The following ATP23 variants were observed in gnomAD, a reference collection of about 807,000 sequenced individuals.
ATP23 encodes mitochondrial inner membrane protease ATP23 homolog.
In ATP23, 24 loss-of-function variants were observed where a neutral mutation model predicts 28.5. The observed-to-expected ratio is 0.84, with a 90% CI of 0.61 to 1.18. The LOEUF (loss-of-function observed/expected upper bound fraction) is 1.18, where lower values mean the gene tolerates loss of function less well. Among genes scored for constraint, ATP23 ranks in the 50% most tolerant of loss-of-function variants. ATP23 has a pLI of 0.00. For synonymous variants in ATP23, 99 were observed against 108.6 expected (o/e 0.91, Z 0.55); for missense variants, 274 against 306.4 (o/e 0.89, Z 0.79).
At chr12:57,948,786 G>T (rs139768700) in intron 3 of ATP23, among the ~76,000 whole-genome samples, 2 of 151,964 alleles carry the variant, frequency 1.3e-5, no homozygotes, top group Admixed American at 1.3e-4. Flanking sequence ...CCTGACTTTT[G>T]TGGTAACCAT....
In ATP23 at chr12:57,941,962, C is replaced by T. The variant is rs1039686098; in HGVS notation, c.187+74C>T. 18 of 1,549,462 alleles carry T rather than the reference C, an allele frequency of 1.2e-5. No individual in the cohort carries two copies. The African/African-American group carries it at 2.5e-4, about 21-fold the overall frequency. ...CCGGGTGGGCGAGGAAGGGCCTGGG[C>T]AACACCTGGCCAGGGGCTTCAGGTT... On this transcript the variant is annotated intron_variant, in intron 1 of 5. Transcript: ENST00000300145.
chr12:57,955,345 A>C (rs1176723016), intron 5 of ATP23, among the ~76,000 whole-genome samples: 4 of 150,824 alleles, frequency 2.7e-5, no homozygotes, highest in Non-Finnish European at 5.9e-5. Flanking sequence ...AATCTTTGAA[A>C]GAGGAAGTTT....
rs1383720318 is a variant in ATP23 at position 57,947,092 on chromosome 12, A to G, written c.315+16A>G. ...AACATCTCAGGTAGGCATTATTGCC[A>G]AATTGTTTCCTTCCCTTTAATCCTC... On this transcript the variant is annotated intron_variant, in intron 3 of 5. Transcript: ENST00000300145. The G allele has an allele frequency of 6.2e-7, 1 of 1,611,206 alleles. No individual in the cohort carries two copies. The highest frequency in any genetic ancestry group is 2.2e-5 in the East Asian group (1 of 44,842).
rs781521963 is a variant in ATP23, at chr12:57,956,747, G to A, written c.598G>A (p.Val200Ile). ...GGCTGTTAGGAATATCAGCAAAGAAGTAGCTAAAAAGGCTGTTGATGAAGT... is the reference window on the plus strand; with the variant it reads ...GGCTGTTAGGAATATCAGCAAAGAAATAGCTAAAAAGGCTGTTGATGAAGT... ...ILAVRNISKE[V>I]AKKAVDEVFE... Residue 200 changes from valine (V) to isoleucine (I), a missense_variant, in exon 6 of 6, where the codon GTA (valine) becomes ATA (isoleucine). Physicochemically the swap from Val to Ile is conservative, Grantham distance 29. Transcript: ENST00000300145. 4 of 1,613,904 alleles carry A rather than the reference G, an allele frequency of 2.5e-6. No individual in the cohort carries two copies. Among genetic ancestry groups the A allele is most frequent in the Admixed American group, 3.3e-5 (2 of 60,002 alleles).
chr12:57,953,749 A>C lies in ATP23; in HGVS notation c.537+60A>C. ...GTGTTACGAGTGGAAATAATGAATA[A>C]AGAAATGAAAAGTACATTCAGTATT... On this transcript the variant is annotated intron_variant, in intron 5 of 5. Transcript: ENST00000300145. 2.9e-6 allele frequency: 4 copies of C among 1,379,212 alleles called. No homozygotes were observed. In the East Asian group the frequency reaches 9.2e-5, roughly 32 times the overall value. 85.4% of individuals were successfully genotyped at this position (1,379,212 alleles called of 1,614,324 possible).
intron 4 of ATP23, among the ~76,000 whole-genome samples, chr12:57,953,220 G>C (rs186787162): frequency 6.6e-6 from 1 of 152,308 alleles, no homozygotes; most frequent in East Asian, 1.9e-4. Context: ...CTTTCTTGAA[G>C]TACTTTTGGC....
chr12:57,957,801 A>G lies in ATP23; in HGVS notation c.*911A>G, dbSNP rs562200429. 6.6e-6 allele frequency among the ~76,000 whole-genome samples: 1 copy of G among 152,242 alleles called. No homozygotes were observed. The highest frequency in any genetic ancestry group is 1.5e-5 in the Non-Finnish European group (1 of 68,044). ...ACAGAGATCCATTGCAAGGGCAGCC[A>G]GAAGAGCAGCGGGTAAAACTCCACA... On this transcript the variant is annotated 3_prime_UTR_variant, in exon 6 of 6. Coordinates refer to ENST00000300145, the MANE Select transcript of ATP23 (RefSeq NM_033276.4).
intron 2 of ATP23, among the ~76,000 whole-genome samples, chr12:57,945,896 G>A (rs1037063906): frequency 6.8e-6 from 1 of 146,690 alleles, no homozygotes; most frequent in Non-Finnish European, 1.5e-5. Flanking sequence ...ATAGAGTCTC[G>A]CTCTTGTTGT....
intron 1 of ATP23, among the ~76,000 whole-genome samples, chr12:57,942,116 GC>G (rs1212787562): frequency 2.0e-5 from 3 of 152,134 alleles, no homozygotes; most frequent in Non-Finnish European, 4.4e-5. Context: ...GAATTTGTCT[GC>G]CCTTTTTTGT....
intron 1 of ATP23, 79 bp from the exon 2 acceptor site, chr12:57,945,549 T>C: frequency 7.9e-7 from 1 of 1,272,304 alleles, no homozygotes; most frequent in Non-Finnish European, 1.1e-6. Flanking sequence ...TACTTTTTGA[T>C]AATATCTTAC....
chr12:57,942,057 T>G (rs1956710346), intron 1 of ATP23, among the ~76,000 whole-genome samples, 169 bp downstream of exon 1: 1 of 152,196 alleles, frequency 6.6e-6, no homozygotes, highest in South Asian at 2.1e-4. Context: ...GTTTCCCCAC[T>G]AGAGGTGGCG....
intron 3 of ATP23, among the ~76,000 whole-genome samples, chr12:57,950,226 C>T (rs1956801166): frequency 6.6e-6 from 1 of 152,172 alleles, no homozygotes; most frequent in African/African-American, 2.4e-5. Context: ...CTTCCCATTG[C>T]TCTTAGGGTA....
rs1189202519 is a variant in ATP23 at position 57,957,903 on chromosome 12, G to C, written c.*1013G>C. 6.6e-6 allele frequency among the ~76,000 whole-genome samples: 1 copy of C among 152,198 alleles called. No individual in the cohort carries two copies. The highest frequency in any genetic ancestry group is 2.4e-5 in the African/African-American group (1 of 41,442). ...AGCCTCCCGGCCAGAACTTGGGAGA[G>C]GGCACAAATCCCATGTGCAGAATCC... On this transcript the variant is annotated 3_prime_UTR_variant, in exon 6 of 6. Coordinates refer to ENST00000300145, the MANE Select transcript of ATP23 (RefSeq NM_033276.4).
chr12:57,956,800 A>G lies in ATP23; in HGVS notation c.651A>G (p.Glu217=). The G allele has an allele frequency of 1.2e-6, 2 of 1,613,960 alleles. No homozygotes were observed. Among genetic ancestry groups the G allele is most frequent in the Non-Finnish European group, 1.7e-6 (2 of 1,179,960 alleles). The change falls in exon 6 of 6, where the codon GAA becomes GAG. Residue 217 remains glutamate, a synonymous_variant. Transcript: ENST00000300145. ...EVFESCFNDH[E]PFGRIPHNKT... The stretch of plus-strand genomic sequence containing the variant: ...TTGAATCTTGTTTCAATGACCATGA[A>G]CCTTTTGGAAGGATCCCACATAACA...
intron 5 of ATP23, 127 bp downstream of exon 5, chr12:57,953,816 A>G: frequency 1.2e-6 from 1 of 825,594 alleles, no homozygotes; most frequent in Non-Finnish European, 1.9e-6. Flanking sequence ...AATACAAAGT[A>G]TGTACCATTT....
Position 57,956,870 on chromosome 12 carries a change from C to G in ATP23, c.721C>G (p.Arg241Gly). The G allele has an allele frequency of 6.2e-7, 1 of 1,609,042 alleles. No homozygotes were observed. The highest frequency in any genetic ancestry group is 8.5e-7 in the Non-Finnish European group (1 of 1,178,412). Residue 241 changes from arginine (R) to glycine (G), a missense_variant, in exon 6 of 6, where the codon CGG becomes GGG. By Grantham distance (125) the Arg-to-Gly change is moderately radical (BLOSUM62 -2). Transcript: ENST00000300145. ...YAHRDFENRD[R>G]YYSNI The stretch of plus-strand genomic sequence containing the variant: ...TCACAGAGACTTTGAAAACCGTGAT[C>G]GGTATTATTCAAATATATGAGCACA...
chr12:57,946,999 G>C lies in ATP23; in HGVS notation c.238G>C (p.Val80Leu). The change falls in exon 3 of 6, where the codon GTT (valine) becomes CTT (leucine). Residue 80 changes from valine to leucine, a missense_variant. By Grantham distance (32) the Val-to-Leu change is conservative (BLOSUM62 1). Transcript: ENST00000300145. ...TCTCCTTTTCTTGCCTTTTAGTGCT[G>C]TTAACAAAGATAGACACTTTTCTTG... Reference protein sequence around the residue: ...LDAMKHSGCAVNKDRHFSCED... With the variant: ...LDAMKHSGCALNKDRHFSCED... 1 of 1,613,786 alleles carries C rather than the reference G, an allele frequency of 6.2e-7. No homozygotes were observed. The highest frequency in any genetic ancestry group is 8.5e-7 in the Non-Finnish European group (1 of 1,179,878).
At position 57,958,154 on chromosome 12, in the gene ATP23, G is replaced by A. The variant is rs916138480; in HGVS notation, c.*1264G>A. Among the ~76,000 whole-genome samples the A allele has an allele frequency of 9.2e-5, 14 of 152,088 alleles. No homozygotes were observed. The highest frequency in any genetic ancestry group is 3.1e-4 in the African/African-American group (13 of 41,416). On this transcript the variant is annotated 3_prime_UTR_variant, in exon 6 of 6. Coordinates refer to ENST00000300145, the MANE Select transcript of ATP23 (RefSeq NM_033276.4). ...CAACCTGCATGACTCCCCAGAGGCA[G>A]TCATAATCCTCCTAGGGACACAACT...
At chr12:57,946,956 C>T (rs1380727902) in intron 2 of ATP23, 39 bp from the exon 3 acceptor site, 5 of 1,602,190 alleles carry the variant, frequency 3.1e-6, no homozygotes, top group South Asian at 1.1e-5. Context: ...GCCACATACA[C>T]ACTGTTTCTG....
Sources: allele counts gnomAD v4.1 joint callset (sites outside exome capture counted in the v4.1 genomes callset), GRCh38; gene constraint gnomAD v4.1.1; transcripts MANE v1.5; gene names NCBI Gene and HGNC (gene_info 2026-07-23, HGNC 2026-07-21).